TNFAIP8L3: variants seen among roughly 807,000 people sequenced by gnomAD.
The protein encoded by TNFAIP8L3 is tumor necrosis factor alpha-induced protein 8-like protein 3.
A neutral mutation model predicts 11.8 loss-of-function variants in TNFAIP8L3; 7 were observed. That is an observed-to-expected ratio of 0.59 (90% CI 0.34 to 1.11). TNFAIP8L3 has a LOEUF of 1.11. TNFAIP8L3 is among the 50% of genes most tolerant of loss of function. The pLI is 0.03. For synonymous variants in TNFAIP8L3, 98 were observed against 103.8 expected, an observed-to-expected ratio of 0.94 and a Z score of 0.34; for missense variants, 219 against 258.6, an observed-to-expected ratio of 0.85 and a Z score of 1.05.
intron 1 of TNFAIP8L3, among the ~76,000 whole-genome samples, chr15:51,104,752 C>A (rs1384272641): frequency 2.0e-5 from 3 of 152,218 alleles, no homozygotes; most frequent in Non-Finnish European, 4.4e-5. Context: ...TTCCTGGAAC[C>A]CACATCCTCT....
chr15:51,087,727 C>T (rs2140978892), intron 1 of TNFAIP8L3, among the ~76,000 whole-genome samples: 1 of 151,838 alleles, frequency 6.6e-6, no homozygotes, highest in South Asian at 2.1e-4. Context: ...GCTGCCAAGC[C>T]TTCCATTTTT....
At chr15:51,071,252 T>A (rs1595609539) in intron 1 of TNFAIP8L3, among the ~76,000 whole-genome samples, 1 of 152,058 alleles carries the variant, frequency 6.6e-6, no homozygotes, top group East Asian at 1.9e-4. Flanking sequence ...TTCAAACATA[T>A]GGCCAAAATA....
chr15:51,084,892 G>C (rs1048636495), intron 1 of TNFAIP8L3, among the ~76,000 whole-genome samples: 1 of 152,162 alleles, frequency 6.6e-6, no homozygotes, highest in Non-Finnish European at 1.5e-5. Flanking sequence ...AAAAAGCAAG[G>C]CAAGAGCTCC....
At position 51,058,100 on chromosome 15, in the gene TNFAIP8L3, G is replaced by A. The variant is rs764189445; in HGVS notation, c.396C>T (p.Asn132=). ...ACTCATGCAGGAGATTGGAGAGCACGTTCCTATCGAAGGTGTATTCCACCT... is the reference window on the plus strand; with the variant it reads ...ACTCATGCAGGAGATTGGAGAGCACATTCCTATCGAAGGTGTATTCCACCT... ...FYEVEYTFDR[N]VLSNLLHECK... Residue 132 remains asparagine (N), a synonymous_variant, in exon 2 of 2, where the codon AAC becomes AAT. Transcript: ENST00000637513. 29 of 1,614,130 alleles carry A rather than the reference G, an allele frequency of 1.8e-5. No individual in the cohort carries two copies. In the South Asian group the frequency reaches 2.2e-4, roughly 12 times the overall value.
intron 1 of TNFAIP8L3, among the ~76,000 whole-genome samples, chr15:51,060,806 G>T (rs2065237998): frequency 6.6e-6 from 1 of 152,218 alleles, no homozygotes; most frequent in African/African-American, 2.4e-5. Context: ...TGGACCAGTT[G>T]TCAGAGCTCA....
intron 1 of TNFAIP8L3, among the ~76,000 whole-genome samples, chr15:51,078,404 C>G (rs2065369774): frequency 6.6e-6 from 1 of 152,122 alleles, no homozygotes; most frequent in Non-Finnish European, 1.5e-5. Flanking sequence ...TGGTCACCAG[C>G]AGCAGGGGAC....
intron 1 of TNFAIP8L3, among the ~76,000 whole-genome samples, chr15:51,062,794 G>T (rs2065249128): frequency 6.6e-6 from 1 of 152,154 alleles, no homozygotes; most frequent in Non-Finnish European, 1.5e-5. Context: ...AGAGAAGTGG[G>T]TGTGGTAGGC....
At chr15:51,078,296 CG>C (rs2065368937) in intron 1 of TNFAIP8L3, among the ~76,000 whole-genome samples, 1 of 134,178 alleles carries the variant, frequency 7.5e-6, no homozygotes, top group African/African-American at 2.9e-5. Flanking sequence ...CAAATATAAG[CG>C]GGGGCGGGGG....
At chr15:51,073,917 T>C (rs1227847548) in intron 1 of TNFAIP8L3, among the ~76,000 whole-genome samples, 1 of 152,266 alleles carries the variant, frequency 6.6e-6, no homozygotes, top group Non-Finnish European at 1.5e-5. Flanking sequence ...TTGTATCCAC[T>C]GAGATGATCA....
chr15:51,058,105 T>C lies in TNFAIP8L3; in HGVS notation c.391A>G (p.Arg131Gly). 1 of 1,614,166 alleles carries C rather than the reference T, an allele frequency of 6.2e-7. No individual in the cohort carries two copies. The highest frequency in any genetic ancestry group is 8.5e-7 in the Non-Finnish European group (1 of 1,179,996). ...TGCAGGAGATTGGAGAGCACGTTCC[T>C]ATCGAAGGTGTATTCCACCTCATAG... The part of the protein sequence containing the change: ...SFYEVEYTFD[R>G]NVLSNLLHEC... Residue 131 changes from arginine (R) to glycine (G), a missense_variant, in exon 2 of 2, where the codon AGG becomes GGG. Physicochemically the swap from Arg to Gly is moderately radical, Grantham distance 125. Transcript: ENST00000637513.
intron 1 of TNFAIP8L3, among the ~76,000 whole-genome samples, chr15:51,062,690 A>G (rs1270635267): frequency 1.3e-5 from 2 of 152,240 alleles, no homozygotes; most frequent in Non-Finnish European, 2.9e-5. Context: ...ACATAAATTT[A>G]AAAAACACTG....
At chr15:51,076,958 C>T (rs1567291293) in intron 1 of TNFAIP8L3, among the ~76,000 whole-genome samples, 1 of 152,148 alleles carries the variant, frequency 6.6e-6, no homozygotes, top group Non-Finnish European at 1.5e-5. Flanking sequence ...GAGAGGTCCT[C>T]CGCGTTCCTC....
chr15:51,081,992 C>T (rs2065395554), intron 1 of TNFAIP8L3, among the ~76,000 whole-genome samples: 1 of 151,608 alleles, frequency 6.6e-6, no homozygotes, highest in Non-Finnish European at 1.5e-5. Context: ...TTCATAAAGG[C>T]ACTAAATAAG....
At chr15:51,098,624 T>G (rs2065529495), upstream of TNFAIP8L3, among the ~76,000 whole-genome samples, 1 of 152,180 alleles carries the variant, frequency 6.6e-6, no homozygotes, top group African/African-American at 2.4e-5. Context: ...CCCTCTTATT[T>G]AAAAAGTAAT....
At chr15:51,067,017 A>G (rs1401106238) in intron 1 of TNFAIP8L3, among the ~76,000 whole-genome samples, 1 of 152,170 alleles carries the variant, frequency 6.6e-6, no homozygotes, top group East Asian at 1.9e-4. Context: ...TTTGAGTTAG[A>G]GACAAACAAA....
At chr15:51,089,512 T>A (rs924393847) in intron 1 of TNFAIP8L3, among the ~76,000 whole-genome samples, 1 of 152,186 alleles carries the variant, frequency 6.6e-6, no homozygotes, top group African/African-American at 2.4e-5. Context: ...TGTCTCCTCA[T>A]CCAATGTCAA....
At chr15:51,095,138 C>T (rs906885764), upstream of TNFAIP8L3, among the ~76,000 whole-genome samples, 3 of 150,790 alleles carry the variant, frequency 2.0e-5, no homozygotes, top group Non-Finnish European at 4.4e-5. Context: ...ATGGGGTTGC[C>T]AGGGTTCGAG....
At chr15:51,065,264 T>C (rs1045308490) in intron 1 of TNFAIP8L3, among the ~76,000 whole-genome samples, 1 of 152,126 alleles carries the variant, frequency 6.6e-6, no homozygotes, top group African/African-American at 2.4e-5. Context: ...AGGACTATGT[T>C]GGGAGAATGG....
At chr15:51,060,311 T>C (rs1002834738) in intron 1 of TNFAIP8L3, among the ~76,000 whole-genome samples, 1 of 152,244 alleles carries the variant, frequency 6.6e-6, no homozygotes, top group Non-Finnish European at 1.5e-5. Context: ...TGCTTTGAAG[T>C]CAATTCCACA....
Sources: gnomAD v4.1 joint callset for allele counts (sites outside exome capture counted in the v4.1 genomes callset) on GRCh38, gnomAD v4.1.1 for gene constraint, MANE v1.5 for transcripts, NCBI Gene and HGNC (gene_info 2026-07-23, HGNC 2026-07-21) for gene names.